Variants in SEMA6D observed in about 807,000 individuals in gnomAD.
SEMA6D encodes the protein semaphorin 6D.
SEMA6D carries 35 observed loss-of-function variants against 106.6 expected under a neutral mutation model. The observed-to-expected ratio is 0.33, with a 90% CI of 0.25 to 0.44. SEMA6D has a LOEUF of 0.44. Ranked by LOEUF, SEMA6D falls within the 20% of genes least tolerant of loss-of-function variation. The pLI, the probability that SEMA6D is intolerant of heterozygous loss-of-function variation, is 1.00. For missense variants in SEMA6D, 1,185 were observed against 1,345.9 expected, an observed-to-expected ratio of 0.88 and a Z score of 1.87; for synonymous variants, 499 against 487.7, an observed-to-expected ratio of 1.02 and a Z score of -0.31.
intron 1 of SEMA6D, among the ~76,000 whole-genome samples, chr15:47,362,288 G>T (rs1433011130): frequency 6.6e-6 from 1 of 152,196 alleles, no homozygotes; most frequent in African/African-American, 2.4e-5. Context: ...AGCAATACTA[G>T]TCTGGGAAAG....
intron 1 of SEMA6D, among the ~76,000 whole-genome samples, chr15:47,239,119 C>G (rs1359961271): frequency 2.0e-5 from 3 of 152,104 alleles, no homozygotes; most frequent in Non-Finnish European, 2.9e-5. Flanking sequence ...CCTGTCAGAT[C>G]AGATGTGGCA....
rs887615578 is a variant in SEMA6D, at chr15:47,385,348, A to G, written c.-238-27045A>G. Among the ~76,000 whole-genome samples, 2 of 152,188 alleles carry G rather than the reference A, an allele frequency of 1.3e-5. 1 individual carries two copies. Among genetic ancestry groups the G allele is most frequent in the Admixed American group, 1.3e-4 (2 of 15,278 alleles). On this transcript the variant is annotated intron_variant, in intron 1 of 19. Transcript: ENST00000558014. ...TGTTGGTATAGTCATAGTAGACATT[A>G]TGCTCTTTCATTGTACTGTGAAGGC...
chr15:47,343,924 G>A (rs935435490), intron 1 of SEMA6D, among the ~76,000 whole-genome samples: 1 of 152,098 alleles, frequency 6.6e-6, no homozygotes, highest in Non-Finnish European at 1.5e-5. Context: ...AATGGGCAAA[G>A]GGTATGAACA....
intron 1 of SEMA6D, among the ~76,000 whole-genome samples, chr15:47,727,938 C>T (rs1317302970): frequency 2.6e-5 from 4 of 152,234 alleles, no homozygotes; most frequent in East Asian, 1.9e-4. Context: ...GTGCTCAAGC[C>T]GTGCTTGGAA....
intron 4 of SEMA6D, among the ~76,000 whole-genome samples, chr15:47,709,484 G>A (rs891201663): frequency 2.6e-5 from 4 of 152,232 alleles, no homozygotes; most frequent in East Asian, 3.9e-4. Flanking sequence ...GGTATTTCTC[G>A]TTTATCTCTG....
intron 1 of SEMA6D, among the ~76,000 whole-genome samples, chr15:47,322,541 C>G (rs1428494599): frequency 1.3e-5 from 2 of 152,110 alleles, no homozygotes; most frequent in Non-Finnish European, 2.9e-5. Context: ...ATGTTGCAGT[C>G]TTCTCAGCGA....
At chr15:47,530,437 A>G (rs562261694) in intron 3 of SEMA6D, among the ~76,000 whole-genome samples, 1 of 152,326 alleles carries the variant, frequency 6.6e-6, no homozygotes, top group African/African-American at 2.4e-5. Context: ...TAGTTCCCTA[A>G]ATTGGGGCAT....
chr15:47,227,704 A>T (rs116971989), intron 1 of SEMA6D, among the ~76,000 whole-genome samples: 1,527 of 150,408 alleles, frequency 0.01, 17 homozygotes, highest in Middle Eastern at 0.021. Context: ...AAATAGGCCC[A>T]CCTGACAAAA....
intron 2 of SEMA6D, among the ~76,000 whole-genome samples, chr15:47,446,267 G>T (rs1019828293): frequency 6.6e-6 from 1 of 152,134 alleles, no homozygotes. Context: ...CTGTAAGGAT[G>T]ACCTGGGAGA....
chr15:47,625,174 G>A (rs947081243), intron 4 of SEMA6D, among the ~76,000 whole-genome samples: 3 of 152,014 alleles, frequency 2.0e-5, no homozygotes, highest in African/African-American at 7.2e-5. Flanking sequence ...TTTTTTGGGG[G>A]GAGAAAACCT....
chr15:47,730,950 G>A lies in SEMA6D; in HGVS notation c.-55+13258G>A. 4.3e-6 allele frequency: 3 copies of A among 700,238 alleles called. No individual in the cohort carries two copies. The South Asian group carries it at 4.6e-5, about 11-fold the overall frequency. 43.4% of individuals were successfully genotyped at this position (700,238 alleles called of 1,614,324 possible). A position where few individuals can be genotyped will look rare whatever the true frequency, so the allele number is the denominator to read the frequency against. ...CCTTTCAGCATCTTGGGCAGCGGGAGGAGAGAGCAATCTTCCTATTTTAAT... is the reference window on the plus strand; with the variant it reads ...CCTTTCAGCATCTTGGGCAGCGGGAAGAGAGAGCAATCTTCCTATTTTAAT... On this transcript the variant is annotated intron_variant, in intron 1 of 18. Coordinates refer to ENST00000536845, the MANE Select transcript of SEMA6D (RefSeq NM_001358351.3).
chr15:47,698,530 G>A (rs1015328233), intron 4 of SEMA6D, among the ~76,000 whole-genome samples: 5 of 152,100 alleles, frequency 3.3e-5, no homozygotes, highest in Non-Finnish European at 5.9e-5. Flanking sequence ...TGATATAGGT[G>A]GGACCTAAAA....
intron 3 of SEMA6D, among the ~76,000 whole-genome samples, chr15:47,476,691 A>G (rs2043011352): frequency 6.6e-6 from 1 of 152,148 alleles, no homozygotes; most frequent in Non-Finnish European, 1.5e-5. Flanking sequence ...CGCCCCAGGC[A>G]TACCGTCTGA....
At chr15:47,405,552 A>G (rs564762711) in intron 1 of SEMA6D, among the ~76,000 whole-genome samples, 8 of 152,334 alleles carry the variant, frequency 5.3e-5, no homozygotes, top group African/African-American at 1.9e-4. Context: ...ATACCAGCCT[A>G]TAAAATGAAT....
intron 3 of SEMA6D, among the ~76,000 whole-genome samples, chr15:47,570,036 C>T (rs1050705014): frequency 6.6e-6 from 1 of 150,938 alleles, no homozygotes; most frequent in Non-Finnish European, 1.5e-5. Flanking sequence ...ACTCCCAGCC[C>T]GGGCAACAGA....
At chr15:47,333,205 C>T (rs999223214) in intron 1 of SEMA6D, among the ~76,000 whole-genome samples, 2 of 152,078 alleles carry the variant, frequency 1.3e-5, no homozygotes, top group Non-Finnish European at 2.9e-5. Context: ...ATCTACAGTG[C>T]TTATTCTGGC....
At chr15:47,264,906 G>A (rs1047378036) in intron 1 of SEMA6D, among the ~76,000 whole-genome samples, 3 of 152,030 alleles carry the variant, frequency 2.0e-5, no homozygotes, top group East Asian at 1.9e-4. Context: ...TTAGTGTGAT[G>A]TATTGCTTTA....
intron 1 of SEMA6D, among the ~76,000 whole-genome samples, chr15:47,733,742 G>A (rs547697730): frequency 1.3e-5 from 2 of 152,290 alleles, no homozygotes; most frequent in South Asian, 4.1e-4. Flanking sequence ...TACATGCAAG[G>A]CACTTAGCAT....
chr15:47,374,655 A>G (rs1180394655), intron 1 of SEMA6D, among the ~76,000 whole-genome samples: 6 of 152,190 alleles, frequency 3.9e-5, no homozygotes. Flanking sequence ...AGGGTTTTCT[A>G]TATGATTGCT....
Sources: allele counts gnomAD v4.1 joint callset (sites outside exome capture counted in the v4.1 genomes callset), GRCh38; gene constraint gnomAD v4.1.1; transcripts MANE v1.5; gene names NCBI Gene and HGNC (gene_info 2026-07-23, HGNC 2026-07-21).